Variants in PALM2AKAP2 observed in about 807,000 individuals in gnomAD.
PALM2AKAP2 encodes PALM2-AKAP2 fusion protein.
Under a neutral mutation model 71.5 loss-of-function variants are expected in PALM2AKAP2, and 37 were observed. That is an observed-to-expected ratio of 0.52 (90% CI 0.40 to 0.68). The LOEUF (loss-of-function observed/expected upper bound fraction) is 0.68, where lower values mean the gene tolerates loss of function less well. Among genes scored for constraint, PALM2AKAP2 ranks in the 30% least tolerant of loss-of-function variants. PALM2AKAP2 has a pLI of 0.00. For missense variants in PALM2AKAP2, 1,224 were observed against 1,191.8 expected, an observed-to-expected ratio of 1.03 and a Z score of -0.40; for synonymous variants, 468 against 478.8, an observed-to-expected ratio of 0.98 and a Z score of 0.29.
intron 3 of PALM2AKAP2, among the ~76,000 whole-genome samples, chr9:109,913,879 C>T (rs868263892): frequency 1.4e-4 from 21 of 151,720 alleles, no homozygotes; most frequent in Non-Finnish European, 2.7e-4. Context: ...GCCTCAGCCT[C>T]CCGAGTTGCT....
chr9:109,922,047 T>A (rs1037094404), intron 3 of PALM2AKAP2, among the ~76,000 whole-genome samples: 1 of 152,130 alleles, frequency 6.6e-6, no homozygotes, highest in Admixed American at 6.6e-5. Context: ...TGGTGTTCCT[T>A]ACCTTTCAGA....
At chr9:109,907,039 C>T (rs552223274) in intron 3 of PALM2AKAP2, among the ~76,000 whole-genome samples, 2 of 152,308 alleles carry the variant, frequency 1.3e-5, no homozygotes, top group Non-Finnish European at 2.9e-5. Context: ...TGTTATCATC[C>T]TAGCTTGAAA....
intron 1 of PALM2AKAP2, among the ~76,000 whole-genome samples, chr9:109,720,738 G>A (rs1336729089): frequency 6.6e-6 from 1 of 152,232 alleles, no homozygotes; most frequent in Admixed American, 6.5e-5. Context: ...GATTTGTGTT[G>A]TGTAAGGATA....
At chr9:110,083,354 A>G (rs997205487) in intron 1 of PALM2AKAP2, among the ~76,000 whole-genome samples, 2 of 152,138 alleles carry the variant, frequency 1.3e-5, no homozygotes, top group African/African-American at 4.8e-5. Context: ...AAACACAAGC[A>G]TAACAGAAAA....
intron 6 of PALM2AKAP2, among the ~76,000 whole-genome samples, chr9:109,980,091 C>G (rs892018857): frequency 6.6e-6 from 1 of 152,200 alleles, no homozygotes; most frequent in Non-Finnish European, 1.5e-5. Context: ...TCCCTAAACC[C>G]TCACTGTGCC....
intron 1 of PALM2AKAP2, among the ~76,000 whole-genome samples, chr9:110,102,552 G>A (rs2118881572): frequency 1.3e-5 from 2 of 152,196 alleles, no homozygotes; most frequent in East Asian, 1.9e-4. Flanking sequence ...CTGGGGCCAT[G>A]GAGTTGTTAT....
At chr9:109,812,829 G>C (rs1039643495) in intron 1 of PALM2AKAP2, among the ~76,000 whole-genome samples, 76 of 152,300 alleles carry the variant, frequency 5.0e-4, no homozygotes, top group African/African-American at 1.8e-3. Context: ...CTTGCTCCGT[G>C]ATCTTCCCAT....
At chr9:109,664,356 C>T (rs1437952662) in intron 1 of PALM2AKAP2, among the ~76,000 whole-genome samples, 1 of 152,180 alleles carries the variant, frequency 6.6e-6, no homozygotes, top group East Asian at 1.9e-4. Context: ...TTAGTGCCTC[C>T]TTCAGGAGCT....
At chr9:110,090,204 T>G (rs1834674444) in intron 1 of PALM2AKAP2, 4 of 368,620 alleles carry the variant, frequency 1.1e-5, no homozygotes, top group Non-Finnish European at 2.2e-5. Context: ...ACCAGGTGTG[T>G]GCGGGCAGGT....
chr9:109,703,502 A>C (rs1007510842), intron 1 of PALM2AKAP2, among the ~76,000 whole-genome samples: 2 of 152,186 alleles, frequency 1.3e-5, no homozygotes, highest in Admixed American at 1.3e-4. Context: ...GTATTTTATA[A>C]TGGCAAAATT....
chr9:109,796,617 T>A (rs1406653053), intron 1 of PALM2AKAP2, among the ~76,000 whole-genome samples: 1 of 152,194 alleles, frequency 6.6e-6, no homozygotes, highest in African/African-American at 2.4e-5. Flanking sequence ...CAGTTCTGCA[T>A]GTCTGGGGAG....
chr9:109,933,664 G>A (rs1477263024), intron 6 of PALM2AKAP2, among the ~76,000 whole-genome samples: 1 of 152,194 alleles, frequency 6.6e-6, no homozygotes, highest in Non-Finnish European at 1.5e-5. Context: ...TGCAAAACAT[G>A]ATTTTAAAAG....
intron 1 of PALM2AKAP2, among the ~76,000 whole-genome samples, chr9:109,741,093 G>T (rs1180720671): frequency 6.6e-6 from 1 of 152,170 alleles, no homozygotes; most frequent in East Asian, 1.9e-4. Context: ...AGACATAGAG[G>T]ATTTTCATCA....
chr9:110,063,384 TCCCAG>T (rs1834004834), intron 1 of PALM2AKAP2, among the ~76,000 whole-genome samples: 1 of 152,094 alleles, frequency 6.6e-6, no homozygotes, highest in African/African-American at 2.4e-5. Flanking sequence ...GGGTGTCTTC[TCCCAG>T]TGTCTTCACA....
intron 1 of PALM2AKAP2, chr9:110,125,513 A>G: frequency 1.0e-6 from 1 of 985,568 alleles, no homozygotes; most frequent in African/African-American, 1.7e-5. Flanking sequence ...GAATTTGTCC[A>G]GCTTGAGCCA....
intron 1 of PALM2AKAP2, among the ~76,000 whole-genome samples, chr9:109,737,891 C>T (rs555351038): frequency 6.6e-6 from 1 of 152,216 alleles, no homozygotes; most frequent in African/African-American, 2.4e-5. Context: ...TTCTCAAAAC[C>T]ATCATAACAT....
At chr9:109,779,869 G>C (rs1829405846), upstream of PALM2AKAP2, among the ~76,000 whole-genome samples, 1 of 152,156 alleles carries the variant, frequency 6.6e-6, no homozygotes, top group Non-Finnish European at 1.5e-5. Flanking sequence ...GCACGTGCTC[G>C]GGTCCCACAT....
intron 1 of PALM2AKAP2, among the ~76,000 whole-genome samples, chr9:110,061,647 A>ATG (rs975433083): frequency 3.4e-5 from 5 of 148,758 alleles, no homozygotes; most frequent in Non-Finnish European, 7.4e-5. Flanking sequence ...TTATATATAT[A>ATG]TGTGTGTGTG....
chr9:109,922,167 C>A (rs1342258679), intron 3 of PALM2AKAP2, among the ~76,000 whole-genome samples: 1 of 151,944 alleles, frequency 6.6e-6, no homozygotes, highest in Non-Finnish European at 1.5e-5. Context: ...CGCCTGTAGT[C>A]TCAGCACTTT....
Sources: allele counts gnomAD v4.1 joint callset (sites outside exome capture counted in the v4.1 genomes callset), GRCh38; gene constraint gnomAD v4.1.1; transcripts MANE v1.5; gene names NCBI Gene and HGNC (gene_info 2026-07-23, HGNC 2026-07-21).